RAP1GAP2: variants seen among roughly 807,000 people sequenced by gnomAD.
The protein encoded by RAP1GAP2 is RAP1 GTPase activating protein 2.
Under a neutral mutation model 95.0 loss-of-function variants are expected in RAP1GAP2, and 27 were observed. The ratio of observed to expected loss-of-function variants is 0.28; its 90% CI spans 0.21 to 0.39. RAP1GAP2 has a LOEUF of 0.39. Among genes scored for constraint, RAP1GAP2 ranks in the 10% least tolerant of loss-of-function variants. RAP1GAP2 has a pLI of 1.00. For synonymous variants in RAP1GAP2, 373 were observed against 380.9 expected (o/e 0.98, Z 0.24); for missense variants, 771 against 970.0 (o/e 0.79, Z 2.72).
intron 19 of RAP1GAP2, among the ~76,000 whole-genome samples, chr17:3,024,186 G>A (rs1183648841): frequency 6.6e-6 from 1 of 152,120 alleles, no homozygotes; most frequent in Non-Finnish European, 1.5e-5. Context: ...GGAAAGATGA[G>A]AGAAGAGGAG....
chr17:2,792,729 T>C (rs1420755017), upstream of RAP1GAP2, among the ~76,000 whole-genome samples: 1 of 152,194 alleles, frequency 6.6e-6, no homozygotes, highest in East Asian at 1.9e-4. Context: ...GGAGTGTTGT[T>C]TGTGGCTGTC....
chr17:2,927,440 A>G (rs573901386), intron 3 of RAP1GAP2, among the ~76,000 whole-genome samples: 12 of 152,288 alleles, frequency 7.9e-5, no homozygotes, highest in African/African-American at 2.6e-4. Context: ...GGCGTGAGCC[A>G]CCGCGCCCGG....
intron 2 of RAP1GAP2, among the ~76,000 whole-genome samples, chr17:2,841,128 C>T (rs908893701): frequency 1.3e-5 from 2 of 151,902 alleles, no homozygotes; most frequent in Non-Finnish European, 2.9e-5. Context: ...GCACTCCAGC[C>T]TGGGCAAGAA....
At chr17:3,022,375 A>T (rs2046990294) in intron 19 of RAP1GAP2, among the ~76,000 whole-genome samples, 1 of 152,246 alleles carries the variant, frequency 6.6e-6, no homozygotes, top group Non-Finnish European at 1.5e-5. Context: ...AAGGTTAAAC[A>T]TAGAGTTACC....
intron 2 of RAP1GAP2, among the ~76,000 whole-genome samples, chr17:2,844,044 G>A (rs8082549): frequency 0.024 from 3,603 of 151,746 alleles, 144 homozygotes; most frequent in African/African-American, 0.082. Context: ...TTTTTGAGAC[G>A]GAGTCTTGCT....
At chr17:2,812,376 A>G (rs1304813340) in intron 2 of RAP1GAP2, among the ~76,000 whole-genome samples, 2 of 152,052 alleles carry the variant, frequency 1.3e-5, no homozygotes, top group Non-Finnish European at 2.9e-5. Context: ...CAGGCCCATT[A>G]TCTCCTGCCC....
chr17:2,859,923 T>C (rs1440000832), intron 2 of RAP1GAP2, among the ~76,000 whole-genome samples: 2 of 152,100 alleles, frequency 1.3e-5, no homozygotes, highest in African/African-American at 2.4e-5. Context: ...TTTTTTGTTG[T>C]TGATTGTTTG....
In RAP1GAP2 at chr17:3,008,082, A is replaced by C; in HGVS notation, c.1431A>C (p.Gly477=). ...ELHAHTQAML[G]LGPEEDKFEN... is the part of the protein sequence containing the mutation. ...ACGCCCACACACAGGCCATGCTGGG[A>C]CTGGGCCCAGAGGAGGACAAGTTTG... The change falls in exon 17 of 25, where the codon GGA becomes GGC. Residue 477 remains glycine (G), a synonymous_variant. Transcript: ENST00000254695. The surrounding 1 kb of genome is among the most constrained non-coding windows in gnomAD (Gnocchi z 4.2). The C allele has an allele frequency of 6.2e-7, 1 of 1,613,650 alleles. No individual in the cohort carries two copies. The highest frequency in any genetic ancestry group is 8.5e-7 in the Non-Finnish European group (1 of 1,179,688).
intron 4 of RAP1GAP2, among the ~76,000 whole-genome samples, chr17:2,958,761 G>A (rs1186801298): frequency 2.0e-5 from 3 of 151,808 alleles, no homozygotes; most frequent in African/African-American, 7.3e-5. Context: ...TGCAATAATG[G>A]TCTGGAAGTC....
At chr17:2,795,369 G>C (rs72817359), upstream of RAP1GAP2, among the ~76,000 whole-genome samples, 1 of 152,118 alleles carries the variant, frequency 6.6e-6, no homozygotes, top group Non-Finnish European at 1.5e-5. Context: ...GCACCAGTGC[G>C]TGCAGAGATG....
In RAP1GAP2 at chr17:2,827,510, T is replaced by A. The variant is rs1026953473; in HGVS notation, c.80+26960T>A. ...TGGGTGGTCAGGAAGAGCCTCTCCA[T>A]AGAAGGGACATTTGAGGCCTGGCGC... On this transcript the variant is annotated intron_variant, in intron 2 of 24. Transcript: ENST00000254695. The surrounding 1 kb of genome is among the most constrained non-coding windows in gnomAD (Gnocchi z 4.1). Among the ~76,000 whole-genome samples the A allele has an allele frequency of 2.0e-5, 3 of 152,082 alleles. No homozygotes were observed. The highest frequency in any genetic ancestry group is 4.4e-5 in the Non-Finnish European group (3 of 68,006).
chr17:2,853,618 C>T (rs1397892243), intron 2 of RAP1GAP2, among the ~76,000 whole-genome samples: 2 of 148,894 alleles, frequency 1.3e-5, no homozygotes, highest in African/African-American at 2.5e-5. Flanking sequence ...CCCTGTGCCC[C>T]GCGTCCTCCA....
intron 2 of RAP1GAP2, among the ~76,000 whole-genome samples, chr17:2,847,699 G>GAAA (rs2071650582): frequency 6.6e-6 from 1 of 151,644 alleles, no homozygotes; most frequent in Admixed American, 6.6e-5. Context: ...AGAGGTGGAA[G>GAAA]TGGCTTCAGG....
chr17:3,003,800 G>C lies in RAP1GAP2; in HGVS notation c.1201-1569G>C, dbSNP rs1264895945. On this transcript the variant is annotated intron_variant, in intron 14 of 24. Coordinates refer to ENST00000254695, the MANE Select transcript of RAP1GAP2 (RefSeq NM_015085.5). The surrounding 1 kb of genome is among the most constrained non-coding windows in gnomAD (Gnocchi z 4.1). ...TCCCCAAGAGGGGGGAACAACAAAG[G>C]CCTGGCCGCCTGGTTGGAATGGGGT... Among the ~76,000 whole-genome samples the C allele has an allele frequency of 6.6e-6, 1 of 152,194 alleles. No homozygotes were observed. Among genetic ancestry groups the C allele is most frequent in the Non-Finnish European group, 1.5e-5 (1 of 68,034 alleles).
chr17:2,949,174 T>G (rs1238840948), intron 3 of RAP1GAP2, among the ~76,000 whole-genome samples: 2 of 152,146 alleles, frequency 1.3e-5, no homozygotes, highest in African/African-American at 4.8e-5. Context: ...TGACTGGCTG[T>G]GAACGCAGAG....
intron 2 of RAP1GAP2, among the ~76,000 whole-genome samples, chr17:2,868,547 T>C (rs1238159477): frequency 1.3e-5 from 2 of 150,644 alleles, no homozygotes; most frequent in Admixed American, 6.6e-5. Context: ...AGATGGAGTC[T>C]TGCTCTGTCA....
chr17:2,768,510 G>T (rs983061982), intron 1 of RAP1GAP2, among the ~76,000 whole-genome samples: 2 of 151,656 alleles, frequency 1.3e-5, no homozygotes, highest in African/African-American at 4.8e-5. Context: ...TGGCCAACAT[G>T]GTGAAACCCC....
At chr17:3,026,205 G>A in intron 20 of RAP1GAP2, 84 bp downstream of exon 20, 2 of 1,324,532 alleles carry the variant, frequency 1.5e-6, no homozygotes, top group Non-Finnish European at 2.1e-6. Flanking sequence ...AGCTGAGAGT[G>A]GCCATCTCCT....
rs755428881 is a variant in RAP1GAP2, at chr17:2,867,879, C to T, written c.81-37405C>T. Among the ~76,000 whole-genome samples, 13 of 152,140 alleles carry T rather than the reference C, an allele frequency of 8.5e-5. No homozygotes were observed. Among genetic ancestry groups the T allele is most frequent in the Non-Finnish European group, 1.9e-4 (13 of 68,016 alleles). ...TACCCTCCCAGACGCAAGGAGGCTT[C>T]CTTCTGCCTTGGCTGGATGAGGTGT... On this transcript the variant is annotated intron_variant, in intron 2 of 24. Coordinates refer to ENST00000254695, the MANE Select transcript of RAP1GAP2 (RefSeq NM_015085.5). This position sits in a 1 kb window ranked among gnomAD's most constrained non-coding sequence, Gnocchi z 4.5.
Sources: allele counts gnomAD v4.1 joint callset (sites outside exome capture counted in the v4.1 genomes callset), GRCh38; gene constraint gnomAD v4.1.1; non-coding constraint Gnocchi (gnomAD v3.1); transcripts MANE v1.5; gene names NCBI Gene and HGNC (gene_info 2026-07-23, HGNC 2026-07-21).